FRAS1: variants seen among roughly 807,000 people sequenced by gnomAD.
FRAS1 encodes the protein Fraser extracellular matrix complex subunit 1, also known as extracellular matrix organizing protein FRAS1.
Under a neutral mutation model 435.2 loss-of-function variants are expected in FRAS1, and 290 were observed. That is an observed-to-expected ratio of 0.67 (90% confidence interval 0.61 to 0.73). The LOEUF is 0.73. FRAS1 is among the 30% of genes least tolerant of loss of function. The probability of loss-of-function intolerance (pLI) is 0.00; values close to 1 mark genes in which losing one functional copy is unlikely to be tolerated. For missense variants in FRAS1, 4,860 were observed against 5,001.5 expected (o/e 0.97, Z 0.85); for synonymous variants, 1,800 against 1,851.0 (o/e 0.97, Z 0.71).
At chr4:78,479,828 C>T in intron 56 of FRAS1, 110 bp downstream of exon 56, 1 of 802,848 alleles carries the variant, frequency 1.2e-6, no homozygotes, top group East Asian at 2.7e-5. Flanking sequence ...TGCCATTCCT[C>T]AGGGATACCA....
chr4:78,415,997 A>T (rs1733537959), intron 32 of FRAS1, among the ~76,000 whole-genome samples: 1 of 152,252 alleles, frequency 6.6e-6, no homozygotes. Context: ...TTGTAGCATT[A>T]TTCACAATAG....
intron 2 of FRAS1, among the ~76,000 whole-genome samples, chr4:78,120,745 G>A (rs1430677921): frequency 4.6e-5 from 7 of 152,164 alleles, no homozygotes; most frequent in Non-Finnish European, 8.8e-5. Context: ...TTCACTGCCC[G>A]TGAATCATAG....
intron 59 of FRAS1, among the ~76,000 whole-genome samples, chr4:78,490,685 C>T (rs944252182): frequency 4.6e-5 from 7 of 152,100 alleles, no homozygotes; most frequent in African/African-American, 1.7e-4. Flanking sequence ...GCACTAAATG[C>T]CCACAGGAGA....
At chr4:78,113,359 G>A (rs1304185949) in intron 2 of FRAS1, among the ~76,000 whole-genome samples, 1 of 152,080 alleles carries the variant, frequency 6.6e-6, no homozygotes, top group African/African-American at 2.4e-5. Flanking sequence ...GGGATGGCTG[G>A]GTCAAATGGT....
rs539108364 is a variant in FRAS1, at chr4:78,118,269, C to T, written c.108+52253C>T. On this transcript the variant is annotated intron_variant, in intron 2 of 73. Transcript: ENST00000512123. Reference sequence around the variant, plus strand: ...GGGGGTGCCTCCCAGTTAGGCTACTCGGGGACCAGGGACCCACTTGAGGAG... The same window carrying T: ...GGGGGTGCCTCCCAGTTAGGCTACTTGGGGACCAGGGACCCACTTGAGGAG... 2.3e-3 allele frequency among the ~76,000 whole-genome samples: 354 copies of T among 152,298 alleles called. 1 individual carries two copies. Among genetic ancestry groups the T allele is most frequent in the African/African-American group, 8.0e-3 (331 of 41,546 alleles).
At chr4:78,361,214 C>T (rs1361535642) in intron 20 of FRAS1, among the ~76,000 whole-genome samples, 1 of 152,198 alleles carries the variant, frequency 6.6e-6, no homozygotes, top group Non-Finnish European at 1.5e-5. Flanking sequence ...GATTGTGCTC[C>T]TGGCACTGTA....
chr4:78,446,046 T>C (rs1327125036), intron 42 of FRAS1: 1 of 1,191,912 alleles, frequency 8.4e-7, no homozygotes, highest in Non-Finnish European at 1.0e-6. Context: ...TTTGGTTCTA[T>C]ATGCATATTT....
intron 3 of FRAS1, among the ~76,000 whole-genome samples, chr4:78,241,418 C>G (rs1724998920): frequency 6.6e-6 from 1 of 152,176 alleles, no homozygotes; most frequent in Non-Finnish European, 1.5e-5. Flanking sequence ...ACCTAGTCAA[C>G]ATTTTTGTAA....
At chr4:78,481,117 G>C (rs367998696) in intron 56 of FRAS1, among the ~76,000 whole-genome samples, 2 of 152,178 alleles carry the variant, frequency 1.3e-5, no homozygotes, top group South Asian at 4.1e-4. Flanking sequence ...CAGCATGTTG[G>C]CTAGAAAATG....
intron 14 of FRAS1, among the ~76,000 whole-genome samples, chr4:78,293,935 G>A (rs755657591): frequency 7.2e-5 from 11 of 152,174 alleles, no homozygotes; most frequent in Non-Finnish European, 1.5e-4. Flanking sequence ...GAGAAAGCCT[G>A]CCACAGATGC....
At chr4:78,069,112 T>C (rs1002337669) in intron 2 of FRAS1, among the ~76,000 whole-genome samples, 1 of 152,226 alleles carries the variant, frequency 6.6e-6, no homozygotes, top group Non-Finnish European at 1.5e-5. Flanking sequence ...GTGATTGGTG[T>C]CCCTGTTCCA....
At chr4:78,122,427 C>T (rs903423790) in intron 2 of FRAS1, among the ~76,000 whole-genome samples, 12 of 152,154 alleles carry the variant, frequency 7.9e-5, no homozygotes, top group Non-Finnish European at 1.3e-4. Flanking sequence ...AATAGTGCTG[C>T]AATAAACATA....
At chr4:78,211,214 A>G (rs570187069) in intron 2 of FRAS1, among the ~76,000 whole-genome samples, 12 of 152,202 alleles carry the variant, frequency 7.9e-5, no homozygotes, top group Non-Finnish European at 1.3e-4. Flanking sequence ...CTGGGTGTTG[A>G]TAAGTTTATC....
At chr4:78,453,138 G>A (rs550242815) in intron 47 of FRAS1, among the ~76,000 whole-genome samples, 1 of 151,286 alleles carries the variant, frequency 6.6e-6, no homozygotes, top group Non-Finnish European at 1.5e-5. Context: ...TTCAAAGCTG[G>A]GATAAGTAAC....
intron 61 of FRAS1, among the ~76,000 whole-genome samples, chr4:78,505,908 G>A (rs1720823420): frequency 6.6e-6 from 1 of 152,174 alleles, no homozygotes; most frequent in African/African-American, 2.4e-5. Flanking sequence ...CTACAGATGG[G>A]GTTTTGGTGT....
chr4:78,541,852 A>G lies in FRAS1; in HGVS notation c.*728A>G, dbSNP rs1211928547. ...GCAGGCGTATCAGAGCACATTAGTG[A>G]TGCCCTTCACCCCAGGGAGGTGTCT... On this transcript the variant is annotated 3_prime_UTR_variant, in exon 74 of 74. Transcript: ENST00000512123. 1 of 152,218 alleles carries G rather than the reference A, an allele frequency of 6.6e-6. No individual in the cohort carries two copies. Among genetic ancestry groups the G allele is most frequent in the Non-Finnish European group, 1.5e-5 (1 of 68,044 alleles). 9.4% of individuals were successfully genotyped at this position (152,218 alleles called of 1,614,324 possible). A position where few individuals can be genotyped will look rare whatever the true frequency, so the allele number is the denominator to read the frequency against.
chr4:78,276,248 C>T (rs1476547120), intron 9 of FRAS1, among the ~76,000 whole-genome samples: 1 of 152,170 alleles, frequency 6.6e-6, no homozygotes, highest in African/African-American at 2.4e-5. Context: ...ATCTTCTTTG[C>T]CATGGATTTG....
At chr4:78,189,949 T>C (rs1722458297) in intron 2 of FRAS1, among the ~76,000 whole-genome samples, 1 of 152,156 alleles carries the variant, frequency 6.6e-6, no homozygotes, top group Middle Eastern at 3.2e-3. Flanking sequence ...TCAAACCTAT[T>C]CCAAAAATTT....
At chr4:78,217,906 C>T (rs1474392412) in intron 2 of FRAS1, among the ~76,000 whole-genome samples, 1 of 30,478 alleles carries the variant, frequency 3.3e-5, no homozygotes, top group Admixed American at 2.8e-4. Flanking sequence ...CTCTTCCCCT[C>T]CCCCTCTCCT....
Sources: gnomAD v4.1 joint callset for allele counts (sites outside exome capture counted in the v4.1 genomes callset) on GRCh38, gnomAD v4.1.1 for gene constraint, MANE v1.5 for transcripts, NCBI Gene and HGNC (gene_info 2026-07-23, HGNC 2026-07-21) for gene names.